Variants in BLTP1 observed in about 807,000 individuals in gnomAD.
BLTP1 encodes bridge-like lipid transfer protein family member 1, also known as fragile site-associated protein.
At chr4:122,185,050 A>G in the BLTP1 span, 2 of 985,320 alleles carry the variant, frequency 2.0e-6, no homozygotes, top group Non-Finnish European at 2.4e-6. Context: ...ATAGAAGACT[A>G]AATACTAGTG....
chr4:122,209,105 C>A, the BLTP1 span: 1 of 1,506,308 alleles, frequency 6.6e-7, no homozygotes, highest in South Asian at 1.3e-5. Flanking sequence ...AAGTATTAAC[C>A]AACATATTTA....
chr4:122,258,051 G>A, the BLTP1 span, among the ~76,000 whole-genome samples: 7 of 152,172 alleles, frequency 4.6e-5, no homozygotes, highest in Admixed American at 2.6e-4. Flanking sequence ...AAACTTTGGG[G>A]CCTGCGCTCA....
At chr4:122,344,487 G>A in the BLTP1 span, 1 of 1,613,968 alleles carries the variant, frequency 6.2e-7, no homozygotes, top group Non-Finnish European at 8.5e-7. Context: ...CGTTCAGGAG[G>A]TGCCTCATTT....
At chr4:122,293,899 A>G in the BLTP1 span, among the ~76,000 whole-genome samples, 2 of 152,076 alleles carry the variant, frequency 1.3e-5, no homozygotes, top group African/African-American at 4.8e-5. Flanking sequence ...GAGTCCGGGC[A>G]GTCCAGACTG....
the BLTP1 span, among the ~76,000 whole-genome samples, chr4:122,194,069 A>C: frequency 6.6e-6 from 1 of 152,052 alleles, no homozygotes; most frequent in Non-Finnish European, 1.5e-5. Flanking sequence ...TCACCGTTTT[A>C]GCCGGGATGG....
chr4:122,188,006 A>T, the BLTP1 span: 1 of 1,592,940 alleles, frequency 6.3e-7, no homozygotes, highest in Non-Finnish European at 8.5e-7. Flanking sequence ...TGACCAATTC[A>T]TGCATATTGT....
At chr4:122,351,651 C>T in the BLTP1 span, among the ~76,000 whole-genome samples, 3 of 152,120 alleles carry the variant, frequency 2.0e-5, no homozygotes, top group African/African-American at 4.8e-5. Context: ...GAATTCCCTA[C>T]CTTCTAGATC....
the BLTP1 span, chr4:122,307,714 T>TTTCTTC: frequency 1.0e-6 from 1 of 985,296 alleles, no homozygotes; most frequent in Non-Finnish European, 1.2e-6. Flanking sequence ...AGACCTGGAT[T>TTTCTTC]TTCTTCTTCC....
chr4:122,341,232 T>C, the BLTP1 span, among the ~76,000 whole-genome samples: 1 of 152,170 alleles, frequency 6.6e-6, no homozygotes, highest in Non-Finnish European at 1.5e-5. Flanking sequence ...AAGTGTTTGA[T>C]ACATTTGCTT....
At chr4:122,345,892 G>T in the BLTP1 span, 1 of 232,704 alleles carries the variant, frequency 4.3e-6, no homozygotes, top group African/African-American at 2.3e-5. Context: ...TGTATTAGGG[G>T]CAACAGAGGA....
the BLTP1 span, chr4:122,353,806 T>C: frequency 5.0e-6 from 8 of 1,601,398 alleles, no homozygotes; most frequent in South Asian, 7.8e-5. This position sits in a 1 kb window ranked among gnomAD's most constrained non-coding sequence, Gnocchi z 4.3. Context: ...ATTTTTATTT[T>C]GTTGTAGGCT....
At chr4:122,207,182 A>C in the BLTP1 span, 1 of 1,612,148 alleles carries the variant, frequency 6.2e-7, no homozygotes, top group East Asian at 2.2e-5. Context: ...TGGAATTTTA[A>C]AATCATGTTT....
At chr4:122,183,496 T>C in the BLTP1 span, 2 of 985,146 alleles carry the variant, frequency 2.0e-6, no homozygotes, top group African/African-American at 1.7e-5. Flanking sequence ...CAGATGTCCA[T>C]CCTTTCCACA....
At chr4:122,190,073 G>A in the BLTP1 span, 3 of 1,612,952 alleles carry the variant, frequency 1.9e-6, no homozygotes, top group South Asian at 1.1e-5. Context: ...CTACATGGAT[G>A]AGCCAGGTAT....
the BLTP1 span, chr4:122,346,722 G>C: frequency 6.2e-7 from 1 of 1,613,208 alleles, no homozygotes; most frequent in Non-Finnish European, 8.5e-7. Context: ...AGTATTGCAA[G>C]ACGTCTATTC....
At chr4:122,213,673 G>A in the BLTP1 span, among the ~76,000 whole-genome samples, 1 of 151,874 alleles carries the variant, frequency 6.6e-6, no homozygotes, top group African/African-American at 2.4e-5. Flanking sequence ...ACTAGACCTG[G>A]CATTATCATT....
At chr4:122,243,898 A>G in the BLTP1 span, 2 of 1,607,730 alleles carry the variant, frequency 1.2e-6, no homozygotes, top group Admixed American at 1.7e-5. Flanking sequence ...GATAACACAG[A>G]TGATGAAACA....
the BLTP1 span, chr4:122,223,853 C>T: frequency 3.2e-5 from 11 of 341,530 alleles, no homozygotes; most frequent in South Asian, 1.2e-3. Context: ...AGGGCATTCC[C>T]AAACTTATTT....
the BLTP1 span, chr4:122,261,244 C>A: frequency 5.0e-3 from 4,790 of 965,148 alleles, 17 homozygotes; most frequent in Non-Finnish European, 5.5e-3. Context: ...ACGCTTGGGA[C>A]ACTTTAATCT....
Sources: gnomAD v4.1 joint callset for allele counts (sites outside exome capture counted in the v4.1 genomes callset) on GRCh38, gnomAD v4.1.1 for gene constraint, Gnocchi (gnomAD v3.1) non-coding constraint, MANE v1.5 for transcripts, NCBI Gene and HGNC (gene_info 2026-07-23, HGNC 2026-07-21) for gene names.